Variants in NCALD observed in about 807,000 individuals in gnomAD.
NCALD encodes neurocalcin-delta.
In NCALD, 10 loss-of-function variants were observed where a neutral mutation model predicts 18.6. That is an observed-to-expected ratio of 0.54 (90% CI 0.33 to 0.91). The LOEUF is 0.91. Among genes scored for constraint, NCALD ranks in the 40% least tolerant of loss-of-function variants. The pLI is 0.03. For synonymous variants in NCALD, 88 were observed against 87.4 expected, an observed-to-expected ratio of 1.01 and a Z score of -0.04; for missense variants, 184 against 247.6, an observed-to-expected ratio of 0.74 and a Z score of 1.72.
At chr8:101,951,141 G>C (rs1313028281) in intron 2 of NCALD, among the ~76,000 whole-genome samples, 1 of 152,144 alleles carries the variant, frequency 6.6e-6, no homozygotes, top group Non-Finnish European at 1.5e-5. Context: ...GTCACAGGTA[G>C]CAATATATTA....
At chr8:101,886,132 C>A (rs1816667029) in intron 4 of NCALD, among the ~76,000 whole-genome samples, 1 of 152,176 alleles carries the variant, frequency 6.6e-6, no homozygotes, top group African/African-American at 2.4e-5. Flanking sequence ...TTTCATTACT[C>A]TTCTATAGAT....
intron 4 of NCALD, among the ~76,000 whole-genome samples, chr8:101,879,598 G>A (rs1168397415): frequency 6.6e-6 from 1 of 152,168 alleles, no homozygotes; most frequent in African/African-American, 2.4e-5. Context: ...GGCTAGCTGG[G>A]ACAGCCTGCT....
intron 1 of NCALD, among the ~76,000 whole-genome samples, chr8:101,747,717 G>T (rs1316848692): frequency 1.3e-5 from 2 of 150,048 alleles, no homozygotes; most frequent in African/African-American, 2.5e-5. Context: ...GAGGAAAAGT[G>T]ATTTTTTTTT....
At chr8:102,006,032 T>TAA (rs200782507) in intron 2 of NCALD, among the ~76,000 whole-genome samples, 1,419 of 138,434 alleles carry the variant, frequency 0.01, 50 homozygotes, top group East Asian at 0.092. Context: ...AGTATAATAA[T>TAA]AAAAAAAAAA....
intron 1 of NCALD, among the ~76,000 whole-genome samples, chr8:102,120,247 A>G (rs1344604906): frequency 6.6e-6 from 1 of 152,176 alleles, no homozygotes; most frequent in African/African-American, 2.4e-5. Flanking sequence ...TCTTGGTGAG[A>G]GTATAACAAT....
chr8:101,860,010 TA>T (rs759515038), intron 4 of NCALD, among the ~76,000 whole-genome samples: 122 of 152,206 alleles, frequency 8.0e-4, no homozygotes, highest in Non-Finnish European at 9.7e-4. Context: ...TATTATTTTT[TA>T]AAGGCTTAGA....
At chr8:102,015,346 T>A (rs1822048488) in intron 2 of NCALD, among the ~76,000 whole-genome samples, 1 of 152,182 alleles carries the variant, frequency 6.6e-6, no homozygotes, top group African/African-American at 2.4e-5. Flanking sequence ...GCCATGTATT[T>A]CCTGCAAAGG....
At chr8:102,022,772 G>A (rs1359380350) in intron 1 of NCALD, among the ~76,000 whole-genome samples, 1 of 152,136 alleles carries the variant, frequency 6.6e-6, no homozygotes, top group Non-Finnish European at 1.5e-5. Flanking sequence ...CTTTTCTGCT[G>A]GAAGAAGGTA....
At chr8:101,775,860 G>C (rs1811770582) in intron 1 of NCALD, among the ~76,000 whole-genome samples, 1 of 152,276 alleles carries the variant, frequency 6.6e-6, no homozygotes, top group South Asian at 2.1e-4. Context: ...AGCCTATTAG[G>C]ATAACCTAGC....
At chr8:101,938,646 AAAT>A (rs1185982806) in intron 2 of NCALD, among the ~76,000 whole-genome samples, 2 of 125,672 alleles carry the variant, frequency 1.6e-5, no homozygotes, top group African/African-American at 6.1e-5. Flanking sequence ...ACAAACAAAG[AAAT>A]AATGGTAAAA....
At chr8:101,720,431 GA>G (rs1354949493) in intron 1 of NCALD, among the ~76,000 whole-genome samples, 6 of 152,052 alleles carry the variant, frequency 3.9e-5, no homozygotes, top group Non-Finnish European at 8.8e-5. Context: ...GATACATAGG[GA>G]AAAAAAGCAG....
intron 1 of NCALD, among the ~76,000 whole-genome samples, chr8:102,032,767 G>C (rs1431097766): frequency 6.6e-6 from 1 of 152,116 alleles, no homozygotes; most frequent in African/African-American, 2.4e-5. Context: ...TAATCAGGGG[G>C]ACAAGATAAC....
intron 1 of NCALD, among the ~76,000 whole-genome samples, chr8:102,116,953 G>C (rs944170865): frequency 6.6e-6 from 1 of 152,208 alleles, no homozygotes; most frequent in Admixed American, 6.5e-5. Flanking sequence ...CTTTATAAAA[G>C]ATGCGCAGAG....
chr8:101,751,692 GA>G (rs1176862241), intron 1 of NCALD, among the ~76,000 whole-genome samples: 1 of 152,050 alleles, frequency 6.6e-6, no homozygotes, highest in Non-Finnish European at 1.5e-5. Flanking sequence ...AAAGACAAAG[GA>G]AACAATGATC....
intron 2 of NCALD, among the ~76,000 whole-genome samples, chr8:101,707,428 A>G (rs565070221): frequency 4.6e-5 from 7 of 152,240 alleles, no homozygotes; most frequent in Admixed American, 1.3e-4. Flanking sequence ...GGCTACCCCC[A>G]TCCCCATAGC....
intron 1 of NCALD, among the ~76,000 whole-genome samples, chr8:102,119,222 A>G (rs1825876351): frequency 6.6e-6 from 1 of 152,240 alleles, no homozygotes; most frequent in Non-Finnish European, 1.5e-5. Flanking sequence ...CATACATACA[A>G]TGGAACAGTA....
intron 2 of NCALD, among the ~76,000 whole-genome samples, chr8:101,714,841 A>C (rs902789752): frequency 6.6e-6 from 1 of 150,706 alleles, no homozygotes; most frequent in African/African-American, 2.5e-5. Flanking sequence ...CTAAAAATAC[A>C]AAAAAATTAG....
At chr8:102,086,531 T>C (rs1293887199) in intron 1 of NCALD, among the ~76,000 whole-genome samples, 2 of 152,198 alleles carry the variant, frequency 1.3e-5, no homozygotes, top group East Asian at 3.8e-4. Flanking sequence ...TACCCATAAT[T>C]ACCCTCCTCT....
At chr8:101,852,764 T>C (rs963702602) in intron 4 of NCALD, 6 of 152,146 alleles carry the variant, frequency 3.9e-5, no homozygotes, top group Admixed American at 1.3e-4. Context: ...CTGTGGAAAT[T>C]GGAGAGCGAG....
Sources: gnomAD v4.1 joint callset for allele counts (sites outside exome capture counted in the v4.1 genomes callset) on GRCh38, gnomAD v4.1.1 for gene constraint, MANE v1.5 for transcripts, NCBI Gene and HGNC (gene_info 2026-07-23, HGNC 2026-07-21) for gene names.